Variants in NFXL1 observed in about 807,000 individuals in gnomAD.
The protein encoded by NFXL1 is NF-X1-type zinc finger protein NFXL1.
In NFXL1, 66 loss-of-function variants were observed where a neutral mutation model predicts 123.3. The observed-to-expected ratio is 0.54, with a 90% CI of 0.44 to 0.66. NFXL1 has a LOEUF of 0.66. Ranked by LOEUF, NFXL1 falls within the 30% of genes least tolerant of loss-of-function variation. The pLI, the probability that NFXL1 is intolerant of heterozygous loss-of-function variation, is 0.00. For missense variants in NFXL1, 944 were observed against 1,125.6 expected, an observed-to-expected ratio of 0.84 and a Z score of 2.31; for synonymous variants, 346 against 360.8, an observed-to-expected ratio of 0.96 and a Z score of 0.46.
chr4:47,866,411 G>C (rs1577998579), intron 18 of NFXL1, among the ~76,000 whole-genome samples: 1 of 152,102 alleles, frequency 6.6e-6, no homozygotes, highest in Non-Finnish European at 1.5e-5. Context: ...TCATCAACTA[G>C]AAATCTTATA....
intron 3 of NFXL1, among the ~76,000 whole-genome samples, chr4:47,906,317 A>C (rs555143815): frequency 1.3e-5 from 2 of 152,246 alleles, no homozygotes; most frequent in African/African-American, 4.8e-5. Flanking sequence ...GTAAACTACC[A>C]TAAGTACAGA....
chr4:47,913,528 TGTGACTCAGCCGA>T (rs1737948051), intron 2 of NFXL1, among the ~76,000 whole-genome samples: 1 of 152,258 alleles, frequency 6.6e-6, no homozygotes, highest in South Asian at 2.1e-4. Context: ...ATGGGATTTC[TGTGACTCAGCCGA>T]GCTGACTGTT....
chr4:47,910,955 G>C lies in NFXL1; in HGVS notation c.275C>G (p.Ala92Gly). Residue 92 changes from alanine to glycine, a missense_variant, in exon 3 of 23, where the codon GCT becomes GGT. Ala to Gly is a moderately conservative substitution (Grantham distance 60). Coordinates refer to ENST00000507489, the MANE Select transcript of NFXL1 (RefSeq NM_001278624.2). ...AAGTTTTCTGGCTGCAGCTTGGTTA[G>C]CTTTCTTGATTTCTTCAAATTTTTT... ...SQKKFEEIKK[A>G]NQAAARKLVE... 1.2e-6 allele frequency: 2 copies of C among 1,606,400 alleles called. No individual in the cohort carries two copies. Among genetic ancestry groups the C allele is most frequent in the Non-Finnish European group, 1.7e-6 (2 of 1,177,200 alleles).
chr4:47,863,058 C>T (rs1660461703), intron 18 of NFXL1, 143 bp from the exon 19 acceptor site: 3 of 605,420 alleles, frequency 5.0e-6, no homozygotes, highest in South Asian at 4.2e-5. Context: ...CTATCTGTAA[C>T]AATTATCTTC....
chr4:47,899,559 G>T lies in NFXL1; in HGVS notation c.648-11C>A. On this transcript the variant is annotated splice_polypyrimidine_tract_variant and intron_variant, in intron 5 of 22. Coordinates refer to ENST00000507489, the MANE Select transcript of NFXL1 (RefSeq NM_001278624.2). ...AACCTACATTTTGGACTACAAAGAA[G>T]AAGAAAATTATTAAAGCTAACTTCA... 6.3e-7 allele frequency: 1 copy of T among 1,577,330 alleles called. No homozygotes were observed. The highest frequency in any genetic ancestry group is 8.7e-7 in the Non-Finnish European group (1 of 1,148,990).
intron 22 of NFXL1, among the ~76,000 whole-genome samples, chr4:47,850,273 C>A (rs1034861061): frequency 6.6e-6 from 1 of 152,066 alleles, no homozygotes; most frequent in South Asian, 2.1e-4. Flanking sequence ...TCAAAGGTCA[C>A]CTTGGCCAAC....
chr4:47,857,186 T>C (rs942426434), intron 19 of NFXL1, among the ~76,000 whole-genome samples: 1 of 152,172 alleles, frequency 6.6e-6, no homozygotes, highest in African/African-American at 2.4e-5. Flanking sequence ...TCAGGGTATT[T>C]GAGGGTATTT....
At chr4:47,876,786 G>A (rs1735781234) in intron 17 of NFXL1, among the ~76,000 whole-genome samples, 1 of 152,082 alleles carries the variant, frequency 6.6e-6, no homozygotes, top group South Asian at 2.1e-4. Context: ...GGGTGGTAGT[G>A]GTACAGGTTA....
At chr4:47,911,710 C>G (rs1737836969) in intron 2 of NFXL1, among the ~76,000 whole-genome samples, 1 of 152,212 alleles carries the variant, frequency 6.6e-6, no homozygotes, top group African/African-American at 2.4e-5. Flanking sequence ...CTATTCAGCA[C>G]TACCTGTACT....
intron 18 of NFXL1, among the ~76,000 whole-genome samples, chr4:47,864,184 C>T (rs183661505): frequency 6.6e-6 from 1 of 152,214 alleles, no homozygotes; most frequent in Admixed American, 6.5e-5. Flanking sequence ...TTATTTTATT[C>T]CTGTTACTCT....
chr4:47,875,429 G>T, intron 17 of NFXL1, 136 bp from the exon 18 acceptor site: 1 of 509,462 alleles, frequency 2.0e-6, no homozygotes, highest in Non-Finnish European at 3.4e-6. Flanking sequence ...TAATCAAACG[G>T]TACATGCTCT....
At chr4:47,872,145 C>T (rs892180093) in intron 18 of NFXL1, among the ~76,000 whole-genome samples, 2 of 152,178 alleles carry the variant, frequency 1.3e-5, no homozygotes, top group Non-Finnish European at 2.9e-5. Context: ...TAAAGGCCTA[C>T]CTTTTAAATC....
intron 12 of NFXL1, among the ~76,000 whole-genome samples, chr4:47,889,511 C>T (rs1736643049): frequency 6.6e-6 from 1 of 152,132 alleles, no homozygotes; most frequent in Admixed American, 6.6e-5. Context: ...AATAGTCTCC[C>T]GGCCTGTTCC....
chr4:47,884,972 C>G (rs955204813), intron 14 of NFXL1, among the ~76,000 whole-genome samples: 1 of 151,534 alleles, frequency 6.6e-6, no homozygotes, highest in Non-Finnish European at 1.5e-5. Flanking sequence ...ACTAAAACTA[C>G]AAAAATTAGC....
chr4:47,875,047 C>T (rs774305061), intron 18 of NFXL1, 80 bp downstream of exon 18: 29 of 961,408 alleles, frequency 3.0e-5, no homozygotes, highest in Non-Finnish European at 4.5e-5. Context: ...GCAAAGTACA[C>T]TATAAAGGGT....
chr4:47,862,618 T>G (rs1193881371), intron 19 of NFXL1, among the ~76,000 whole-genome samples: 1 of 152,210 alleles, frequency 6.6e-6, no homozygotes, highest in Admixed American at 6.5e-5. Flanking sequence ...GTATGTAAGC[T>G]ATCTTTAAAA....
intron 18 of NFXL1, among the ~76,000 whole-genome samples, chr4:47,869,455 T>C (rs947399296): frequency 1.3e-5 from 2 of 152,212 alleles, no homozygotes; most frequent in Admixed American, 1.3e-4. Context: ...TAGAAAAATA[T>C]TACAAACACA....
At chr4:47,877,531 G>A (rs1227751289) in intron 17 of NFXL1, among the ~76,000 whole-genome samples, 1 of 151,980 alleles carries the variant, frequency 6.6e-6, no homozygotes, top group African/African-American at 2.4e-5. Flanking sequence ...CCATACAGCA[G>A]CTACACCCTA....
At chr4:47,883,074 A>T (rs550114241) in intron 15 of NFXL1, among the ~76,000 whole-genome samples, 4 of 152,184 alleles carry the variant, frequency 2.6e-5, no homozygotes, top group African/African-American at 9.6e-5. Flanking sequence ...GCCCTTTATC[A>T]GGTTAAGAAA....
Sources: allele counts gnomAD v4.1 joint callset (sites outside exome capture counted in the v4.1 genomes callset), GRCh38; gene constraint gnomAD v4.1.1; transcripts MANE v1.5; gene names NCBI Gene and HGNC (gene_info 2026-07-23, HGNC 2026-07-21).